CRPPA: variants seen among roughly 807,000 people sequenced by gnomAD.
CRPPA encodes the protein D-ribitol-5-phosphate cytidylyltransferase.
A neutral mutation model predicts 52.0 loss-of-function variants in CRPPA; 43 were observed. That is an observed-to-expected ratio of 0.83 (90% confidence interval 0.65 to 1.07). CRPPA has a LOEUF of 1.07. Ranked by LOEUF, CRPPA falls within the 50% of genes least tolerant of loss-of-function variation. The probability of loss-of-function intolerance (pLI) is 0.00; values close to 1 mark genes in which losing one functional copy is unlikely to be tolerated. For synonymous variants in CRPPA, 250 were observed against 203.5 expected (o/e 1.23, Z -1.94); for missense variants, 629 against 551.7 (o/e 1.14, Z -1.40).
At chr7:16,342,686 G>A (rs1016030229) in intron 3 of CRPPA, among the ~76,000 whole-genome samples, 6 of 147,940 alleles carry the variant, frequency 4.1e-5, no homozygotes, top group Non-Finnish European at 8.9e-5. Flanking sequence ...AGGCTGAGGT[G>A]GGCAGATCAC....
intron 2 of CRPPA, among the ~76,000 whole-genome samples, chr7:16,394,903 C>T (rs987219812): frequency 2.0e-5 from 3 of 152,164 alleles, no homozygotes; most frequent in Admixed American, 6.5e-5. Context: ...TAAACAGATA[C>T]AGAAAATGCT....
intron 9 of CRPPA, among the ~76,000 whole-genome samples, chr7:16,204,611 C>T (rs1320388031): frequency 6.6e-6 from 1 of 152,072 alleles, no homozygotes. Context: ...CTTGTTCTCC[C>T]TTAAATTTAT....
chr7:16,260,344 TA>T (rs1439995947), intron 6 of CRPPA, among the ~76,000 whole-genome samples: 1 of 152,020 alleles, frequency 6.6e-6, no homozygotes, highest in Non-Finnish European at 1.5e-5. Context: ...ATTCCAGAGT[TA>T]TCTCTTGAGG....
chr7:16,350,055 T>C (rs1397368373), intron 3 of CRPPA, among the ~76,000 whole-genome samples: 2 of 151,984 alleles, frequency 1.3e-5, no homozygotes, highest in Non-Finnish European at 2.9e-5. Context: ...ATCAGTGGAT[T>C]TTTTTCTGCA....
chr7:16,286,087 T>TATAATATATAA (rs1784438786), intron 5 of CRPPA, among the ~76,000 whole-genome samples: 1 of 15,514 alleles, frequency 6.4e-5, no homozygotes, highest in Non-Finnish European at 1.1e-4. Context: ...ATATAATATT[T>TATAATATATAA]AAAAAAAAAA....
intron 6 of CRPPA, among the ~76,000 whole-genome samples, chr7:16,270,958 A>G (rs1784077011): frequency 6.6e-6 from 1 of 152,070 alleles, no homozygotes; most frequent in Non-Finnish European, 1.5e-5. Flanking sequence ...GGTCTATAAC[A>G]AAAGGCATGG....
At chr7:16,354,388 C>T (rs936436479) in intron 3 of CRPPA, among the ~76,000 whole-genome samples, 1 of 152,080 alleles carries the variant, frequency 6.6e-6, no homozygotes, top group Non-Finnish European at 1.5e-5. Context: ...TTTATGCACT[C>T]CACAATCAGA....
rs1360917998 is a variant in CRPPA at position 16,307,615 on chromosome 7, G to A, written c.789+908C>T. Among the ~76,000 whole-genome samples the A allele has an allele frequency of 3.4e-5, 5 of 145,156 alleles. No homozygotes were observed. In the South Asian group the frequency reaches 8.7e-4, roughly 25 times the overall value. The stretch of plus-strand genomic sequence containing the variant: ...GAATTGCTTGAAATTTGGAGGTGGA[G>A]GTTACAATGAGACTGCACCATTGCC... On this transcript the variant is annotated intron_variant, in intron 4 of 9. Transcript: ENST00000407010.
chr7:16,112,085 C>T (rs371819287), intron 9 of CRPPA, among the ~76,000 whole-genome samples: 16 of 152,140 alleles, frequency 1.1e-4, no homozygotes, highest in South Asian at 2.1e-4. Flanking sequence ...GAGGCTAAGG[C>T]GGGAAGATTG....
At chr7:16,252,803 G>GGGATTCAA (rs1348869849) in intron 8 of CRPPA, among the ~76,000 whole-genome samples, 1 of 152,066 alleles carries the variant, frequency 6.6e-6, no homozygotes, top group Non-Finnish European at 1.5e-5. Flanking sequence ...GGTCTATTCA[G>GGGATTCAA]GGATTCAACT....
chr7:16,397,683 G>A (rs748597702), intron 2 of CRPPA, among the ~76,000 whole-genome samples: 89 of 152,332 alleles, frequency 5.8e-4, no homozygotes, highest in Admixed American at 1.0e-3. Flanking sequence ...CGACAAACAC[G>A]TGACTGACAC....
chr7:16,244,221 A>C (rs1783204056), intron 8 of CRPPA, among the ~76,000 whole-genome samples: 1 of 152,018 alleles, frequency 6.6e-6, no homozygotes, highest in East Asian at 1.9e-4. Flanking sequence ...GTGCCAATTT[A>C]TCTTAGCTAA....
chr7:16,370,225 A>G (rs746954276), intron 3 of CRPPA, among the ~76,000 whole-genome samples: 9 of 152,206 alleles, frequency 5.9e-5, no homozygotes, highest in Non-Finnish European at 8.8e-5. Context: ...CTTGAACAGA[A>G]CCCAAGGGTA....
At chr7:16,142,325 A>G (rs892629541) in intron 9 of CRPPA, among the ~76,000 whole-genome samples, 3 of 151,996 alleles carry the variant, frequency 2.0e-5, no homozygotes, top group African/African-American at 7.2e-5. Context: ...GTACTCAATC[A>G]TTTTTTTCTG....
rs117025432 is a variant in CRPPA at position 16,274,992 on chromosome 7, T to C, written c.933+3137A>G. On this transcript the variant is annotated intron_variant, in intron 6 of 9. Coordinates refer to ENST00000407010, the MANE Select transcript of CRPPA (RefSeq NM_001101426.4). ...TTGGGAGGCTGAGGCACGAGAATCA[T>C]TTGAACCTGGGAGGCGTAGGTTGTG... 7.0e-4 allele frequency among the ~76,000 whole-genome samples: 107 copies of C among 152,110 alleles called. 2 individuals are homozygous for C. The East Asian group carries it at 0.01, about 15-fold the overall frequency.
intron 9 of CRPPA, among the ~76,000 whole-genome samples, chr7:16,131,608 G>A (rs1782682509): frequency 6.6e-6 from 1 of 151,968 alleles, no homozygotes; most frequent in African/African-American, 2.4e-5. Flanking sequence ...TTTTGAACAG[G>A]GTCTCACTTT....
At chr7:16,208,328 G>A (rs557141355) in intron 9 of CRPPA, among the ~76,000 whole-genome samples, 2 of 152,070 alleles carry the variant, frequency 1.3e-5, no homozygotes, top group Non-Finnish European at 2.9e-5. Context: ...CTTAAGTAAA[G>A]CTCCAATCTC....
intron 3 of CRPPA, among the ~76,000 whole-genome samples, chr7:16,369,651 C>T (rs1466323357): frequency 1.3e-5 from 2 of 152,008 alleles, no homozygotes; most frequent in Admixed American, 1.3e-4. Flanking sequence ...AAAACTAAAG[C>T]AGAACAAAAT....
At chr7:16,221,444 T>C (rs1782500252) in intron 8 of CRPPA, among the ~76,000 whole-genome samples, 2 of 152,176 alleles carry the variant, frequency 1.3e-5, no homozygotes, top group Admixed American at 1.3e-4. Flanking sequence ...AATTGACAAA[T>C]GGGATCTGAT....
Sources: allele counts gnomAD v4.1 joint callset (sites outside exome capture counted in the v4.1 genomes callset), GRCh38; gene constraint gnomAD v4.1.1; transcripts MANE v1.5; gene names NCBI Gene and HGNC (gene_info 2026-07-23, HGNC 2026-07-21).